MPPED2: variants seen among roughly 807,000 people sequenced by gnomAD.
The protein encoded by MPPED2 is metallophosphoesterase MPPED2.
In MPPED2, 5 loss-of-function variants were observed where a neutral mutation model predicts 33.0. The ratio of observed to expected loss-of-function variants is 0.15; its 90% CI spans 0.08 to 0.32. The LOEUF is 0.32. Among genes scored for constraint, MPPED2 ranks in the 10% least tolerant of loss-of-function variants. The probability of loss-of-function intolerance (pLI) is 1.00; values close to 1 mark genes in which losing one functional copy is unlikely to be tolerated. For missense variants in MPPED2, 275 were observed against 372.1 expected (o/e 0.74, Z 2.15); for synonymous variants, 136 against 141.9 (o/e 0.96, Z 0.29).
chr11:30,522,947 C>T (rs1255547047), intron 3 of MPPED2, among the ~76,000 whole-genome samples: 1 of 152,158 alleles, frequency 6.6e-6, no homozygotes, highest in East Asian at 1.9e-4. Flanking sequence ...TTTAAAATAA[C>T]TGTGTTTAAA....
At chr11:30,476,247 G>C (rs1316298795) in intron 4 of MPPED2, among the ~76,000 whole-genome samples, 3 of 151,876 alleles carry the variant, frequency 2.0e-5, no homozygotes, top group Admixed American at 6.6e-5. Context: ...ATCTTTCAAA[G>C]ACTGAAAATT....
intron 4 of MPPED2, among the ~76,000 whole-genome samples, chr11:30,473,863 A>G (rs1290886746): frequency 2.0e-5 from 3 of 152,222 alleles, no homozygotes; most frequent in Non-Finnish European, 2.9e-5. Context: ...TGAGGCCTTC[A>G]GTCCAACAAC....
intron 2 of MPPED2, among the ~76,000 whole-genome samples, chr11:30,573,931 T>A (rs1377170251): frequency 6.6e-6 from 1 of 152,196 alleles, no homozygotes; most frequent in Non-Finnish European, 1.5e-5. Context: ...AGAAAACATT[T>A]TTGTACAGCT....
At chr11:30,394,791 T>C (rs531947287) in intron 6 of MPPED2, among the ~76,000 whole-genome samples, 1 of 152,220 alleles carries the variant, frequency 6.6e-6, no homozygotes, top group Non-Finnish European at 1.5e-5. Flanking sequence ...CTATCAGGTA[T>C]TGTATTATTG....
chr11:30,416,120 A>G (rs1366359118), intron 5 of MPPED2, among the ~76,000 whole-genome samples: 2 of 152,248 alleles, frequency 1.3e-5, no homozygotes, highest in Non-Finnish European at 2.9e-5. Context: ...TGACAAGTGT[A>G]ATATTTTAAA....
intron 4 of MPPED2, 29 bp from the exon 5 acceptor site, chr11:30,417,662 A>AG: frequency 7.7e-7 from 1 of 1,300,172 alleles, no homozygotes; most frequent in Non-Finnish European, 1.1e-6. Flanking sequence ...ACATGGTATC[A>AG]GGCCAGCAGA....
At position 30,410,279 on chromosome 11, in the gene MPPED2, C is replaced by T. The variant is rs1422732767; in HGVS notation, c.*1189G>A. 2 of 985,160 alleles carry T rather than the reference C, an allele frequency of 2.0e-6. No individual in the cohort carries two copies. Among genetic ancestry groups the T allele is most frequent in the East Asian group, 2.3e-4 (2 of 8,820 alleles). 61.0% of individuals were successfully genotyped at this position (985,160 alleles called of 1,614,324 possible). A position where few individuals can be genotyped will look rare whatever the true frequency, so the allele number is the denominator to read the frequency against. ...AAAGGCCGCTAGATATAGAATATCACAATAAATTTAAAGAAACAACTGCTT... is the reference window on the plus strand; with the variant it reads ...AAAGGCCGCTAGATATAGAATATCATAATAAATTTAAAGAAACAACTGCTT... On this transcript the variant is annotated 3_prime_UTR_variant, in exon 7 of 7. Coordinates refer to ENST00000358117, the MANE Select transcript of MPPED2 (RefSeq NM_001584.3).
At chr11:30,388,749 T>C in exon 7 of MPPED2, 1 of 1,180,552 alleles carries the variant, frequency 8.5e-7, no homozygotes, top group Non-Finnish European at 1.1e-6. Flanking sequence ...CCTCATGCCT[T>C]CTTTGTCTTC....
At chr11:30,557,594 G>GA (rs1956037643) in intron 2 of MPPED2, among the ~76,000 whole-genome samples, 1 of 152,016 alleles carries the variant, frequency 6.6e-6, no homozygotes, top group South Asian at 2.1e-4. Flanking sequence ...TTCTTTTAAG[G>GA]AAAGGCTACT....
At chr11:30,430,391 T>A (rs1184018314) in intron 4 of MPPED2, among the ~76,000 whole-genome samples, 2 of 152,256 alleles carry the variant, frequency 1.3e-5, no homozygotes, top group Non-Finnish European at 2.9e-5. Flanking sequence ...ATTGAATACA[T>A]GTTTAAATGA....
intron 4 of MPPED2, among the ~76,000 whole-genome samples, chr11:30,494,761 G>GAAAA (rs1952169748): frequency 6.5e-5 from 5 of 77,254 alleles, no homozygotes; most frequent in South Asian, 5.0e-4. Context: ...AAAAAAAAAA[G>GAAAA]AAAGAAAGAA....
In MPPED2 at chr11:30,410,919, G is replaced by A. The variant is rs1948077994; in HGVS notation, c.*549C>T. 1.0e-6 allele frequency: 1 copy of A among 985,544 alleles called. No homozygotes were observed. Among genetic ancestry groups the A allele is most frequent in the Non-Finnish European group, 1.2e-6 (1 of 829,924 alleles). The allele number at this position is 985,544 out of a possible 1,614,324, so 61.0% of individuals were successfully genotyped here. A position where few individuals can be genotyped will look rare whatever the true frequency, so the allele number is the denominator to read the frequency against. Reference sequence around the variant, plus strand: ...TGACAGCCATTTTCTTCTCAATGCAGCTTTCTTTATAGTGAGAGTATGAAA... The same window carrying A: ...TGACAGCCATTTTCTTCTCAATGCAACTTTCTTTATAGTGAGAGTATGAAA... On this transcript the variant is annotated 3_prime_UTR_variant, in exon 7 of 7. Transcript: ENST00000358117.
intron 4 of MPPED2, among the ~76,000 whole-genome samples, chr11:30,463,935 T>A (rs1451716728): frequency 1.3e-5 from 2 of 151,470 alleles, no homozygotes; most frequent in Non-Finnish European, 2.9e-5. Flanking sequence ...TTAGAAAATA[T>A]AGGTCAGGGA....
chr11:30,408,821 C>A (rs1047683565), downstream of MPPED2, among the ~76,000 whole-genome samples: 1 of 152,226 alleles, frequency 6.6e-6, no homozygotes, highest in African/African-American at 2.4e-5. Context: ...AAATACACAA[C>A]CTGTTCAACA....
chr11:30,558,705 A>AG (rs1232194201), intron 2 of MPPED2, among the ~76,000 whole-genome samples: 1 of 151,848 alleles, frequency 6.6e-6, no homozygotes, highest in Admixed American at 6.6e-5. Context: ...TACAGGCAGG[A>AG]GCCACCTTGC....
Position 30,520,195 on chromosome 11 carries a change from T to A in MPPED2, c.310+15799A>T, listed in dbSNP as rs911389321. 6.6e-5 allele frequency among the ~76,000 whole-genome samples: 10 copies of A among 152,320 alleles called. 1 individual carries two copies. In the East Asian group the frequency reaches 1.9e-3, roughly 29 times the overall value. On this transcript the variant is annotated intron_variant, in intron 3 of 6. Coordinates refer to ENST00000358117, the MANE Select transcript of MPPED2 (RefSeq NM_001584.3). ...CTGCTTCTTTCCTGCTCTTAAAATT[T>A]GAACAGCTAAAAAAAATGTAAAAAA...
intron 2 of MPPED2, among the ~76,000 whole-genome samples, chr11:30,543,827 G>C (rs190746245): frequency 0.023 from 3,307 of 141,998 alleles, 65 homozygotes; most frequent in Admixed American, 0.052. Flanking sequence ...TAAACTAGGA[G>C]CTGGTAAAAT....
exon 7 of MPPED2, chr11:30,387,588 G>A (rs1947718747): frequency 6.6e-6 from 1 of 152,184 alleles, no homozygotes; most frequent in African/African-American, 2.4e-5. Context: ...GGATCAGGGA[G>A]CATGTGGAGG....
intron 2 of MPPED2, among the ~76,000 whole-genome samples, chr11:30,560,963 G>A (rs1163692605): frequency 2.0e-5 from 3 of 152,162 alleles, no homozygotes; most frequent in Non-Finnish European, 4.4e-5. Flanking sequence ...TTAACAACGT[G>A]GCTTCTTGGT....
Sources: gnomAD v4.1 joint callset for allele counts (sites outside exome capture counted in the v4.1 genomes callset) on GRCh38, gnomAD v4.1.1 for gene constraint, MANE v1.5 for transcripts, NCBI Gene and HGNC (gene_info 2026-07-23, HGNC 2026-07-21) for gene names.